MAN1A1: variants seen among roughly 807,000 people sequenced by gnomAD.
MAN1A1 encodes the protein mannosidase alpha class 1A member 1, also known as mannosyl-oligosaccharide 1,2-alpha-mannosidase IA.
Under a neutral mutation model 70.8 loss-of-function variants are expected in MAN1A1, and 29 were observed. The observed-to-expected ratio is 0.41, with a 90% CI of 0.31 to 0.56. MAN1A1 has a LOEUF of 0.56. Ranked by LOEUF, MAN1A1 falls within the 20% of genes least tolerant of loss-of-function variation. The pLI, the probability that MAN1A1 is intolerant of heterozygous loss-of-function variation, is 0.29. For missense variants in MAN1A1, 747 were observed against 841.3 expected (o/e 0.89, Z 1.39); for synonymous variants, 349 against 330.1 (o/e 1.06, Z -0.62).
In MAN1A1 at chr6:119,348,746, T is replaced by C; in HGVS notation, c.320A>G (p.Glu107Gly). 1.3e-6 allele frequency: 2 copies of C among 1,562,908 alleles called. No individual in the cohort carries two copies. Among genetic ancestry groups the C allele is most frequent in the Non-Finnish European group, 1.7e-6 (2 of 1,157,500 alleles). ...GGCCTCCGGGTCCCCGGGTGCCCCC[T>C]CCTCGCGGCGCCGGGCTCGCCCCTC... ...AAEGRARRRE[E>G]GAPGDPEAAL... The change falls in exon 2 of 13, where the codon GAG becomes GGG. Residue 107 changes from glutamate (E) to glycine (G), a missense_variant. By Grantham distance (98) the Glu-to-Gly change is moderately conservative. Transcript: ENST00000368468.
chr6:119,345,200 C>T lies in MAN1A1; in HGVS notation c.603+3263G>A, dbSNP rs6932339. On this transcript the variant is annotated intron_variant, in intron 2 of 12. Transcript: ENST00000368468. ...AAAATGGGAGAGGTTGAGGGGGGGG[C>T]GGAGCGGGGGAGAAGGGAAGCTAAA... Among the ~76,000 whole-genome samples, 32 of 31,248 alleles carry T rather than the reference C, an allele frequency of 1.0e-3. No homozygotes were observed. In the South Asian group the frequency reaches 0.013, roughly 13 times the overall value. 20.5% of individuals were successfully genotyped at this position (31,248 alleles called of 152,430 possible).
intron 2 of MAN1A1, among the ~76,000 whole-genome samples, chr6:119,310,699 G>C (rs1190137961): frequency 1.3e-5 from 2 of 152,150 alleles, no homozygotes; most frequent in Non-Finnish European, 1.5e-5. Flanking sequence ...CAGGAGAAAG[G>C]GCTGTGAAGC....
intron 6 of MAN1A1, among the ~76,000 whole-genome samples, chr6:119,241,309 C>CA (rs2114306980): frequency 6.6e-6 from 1 of 152,266 alleles, no homozygotes; most frequent in Non-Finnish European, 1.5e-5. Context: ...AGAAACAGAA[C>CA]ACAGGCCCTA....
intron 5 of MAN1A1, among the ~76,000 whole-genome samples, chr6:119,253,816 T>C (rs1484580270): frequency 6.6e-6 from 1 of 152,230 alleles, no homozygotes; most frequent in Non-Finnish European, 1.5e-5. Context: ...GTTTGCAAAG[T>C]GCTCCATCCC....
chr6:119,339,902 C>T (rs184535237), intron 2 of MAN1A1, among the ~76,000 whole-genome samples: 1 of 152,058 alleles, frequency 6.6e-6, no homozygotes, highest in African/African-American at 2.4e-5. Flanking sequence ...ACTAGCCTGG[C>T]CAATGTGGGG....
At chr6:119,190,650 C>T (rs1012205875) in intron 9 of MAN1A1, among the ~76,000 whole-genome samples, 4 of 152,110 alleles carry the variant, frequency 2.6e-5, no homozygotes, top group Admixed American at 6.5e-5. Flanking sequence ...AAAAAGCACA[C>T]TATTATATAA....
intron 2 of MAN1A1, among the ~76,000 whole-genome samples, chr6:119,342,883 T>C (rs1773632820): frequency 1.3e-5 from 2 of 152,204 alleles, no homozygotes; most frequent in Non-Finnish European, 2.9e-5. Flanking sequence ...TTTCACCCTT[T>C]GTATATACAG....
At chr6:119,270,592 C>T (rs1251835775) in intron 5 of MAN1A1, among the ~76,000 whole-genome samples, 1 of 152,174 alleles carries the variant, frequency 6.6e-6, no homozygotes. Flanking sequence ...CTATTTTGGA[C>T]ATCATACAGT....
chr6:119,189,673 T>C lies in MAN1A1; in HGVS notation c.1537A>G (p.Asn513Asp). ...EIARTCHESY[N>D]RTFMKLGPEA... ...AATAACATGTACTCACATGTTCGAT[T>C]ATATGATTCATGACAAGTACGGGCA... Residue 513 changes from asparagine to aspartate, a missense_variant, in exon 10 of 13, where the codon AAT becomes GAT. Physicochemically the swap from Asn to Asp is conservative, Grantham distance 23 (BLOSUM62 1). Around this residue, in one of 2 missense-constraint regions of MAN1A1, gnomAD observed 419 missense variants for 548.2 expected, o/e 0.76. Transcript: ENST00000368468. The C allele has an allele frequency of 6.2e-7, 1 of 1,613,986 alleles. No homozygotes were observed. The highest frequency in any genetic ancestry group is 8.5e-7 in the Non-Finnish European group (1 of 1,179,894).
intron 5 of MAN1A1, among the ~76,000 whole-genome samples, chr6:119,260,976 GTTTTTT>G (rs61169300): frequency 8.6e-6 from 1 of 116,940 alleles, no homozygotes; most frequent in Non-Finnish European, 1.7e-5. Context: ...TTTTTTTATT[GTTTTTT>G]TTTTTTTTTT....
In MAN1A1 at chr6:119,260,936, T is replaced by C. The variant is rs368387184; in HGVS notation, c.898-12582A>G. ...GAAACATAATTTATGTTGTCCATTG[T>C]AGCTACTCATGCACTATCTAAATGT... is the stretch of plus-strand genomic sequence containing the variant. On this transcript the variant is annotated intron_variant, in intron 5 of 12. Coordinates refer to ENST00000368468, the MANE Select transcript of MAN1A1 (RefSeq NM_005907.4). Among the ~76,000 whole-genome samples the C allele has an allele frequency of 2.0e-4, 31 of 151,702 alleles. No homozygotes were observed. The East Asian group carries it at 2.7e-3, about 13-fold the overall frequency.
chr6:119,201,411 C>G (rs2114945979), intron 7 of MAN1A1, 64 bp from the exon 8 acceptor site: 1 of 1,048,718 alleles, frequency 9.5e-7, no homozygotes, highest in East Asian at 2.4e-5. Context: ...CATTCTTCTT[C>G]TTCTTGAACA....
At chr6:119,257,984 T>C (rs1775506701) in intron 5 of MAN1A1, among the ~76,000 whole-genome samples, 1 of 152,122 alleles carries the variant, frequency 6.6e-6, no homozygotes, top group African/African-American at 2.4e-5. Flanking sequence ...TTACACTAAA[T>C]ATGACAAATA....
At chr6:119,184,634 T>C (rs529108785) in intron 11 of MAN1A1, among the ~76,000 whole-genome samples, 2 of 151,292 alleles carry the variant, frequency 1.3e-5, no homozygotes, top group South Asian at 4.2e-4. Context: ...AATGTCTGAG[T>C]GGAAAAGGTT....
chr6:119,333,922 C>T (rs1236877989), intron 2 of MAN1A1, among the ~76,000 whole-genome samples: 3 of 152,228 alleles, frequency 2.0e-5, no homozygotes, highest in East Asian at 1.9e-4. Flanking sequence ...GAAGCAAATA[C>T]ACTGACTTCC....
At chr6:119,182,601 G>A (rs1216457063) in intron 11 of MAN1A1, among the ~76,000 whole-genome samples, 1 of 151,466 alleles carries the variant, frequency 6.6e-6, no homozygotes, top group African/African-American at 2.4e-5. Context: ...CTCTAGGAAA[G>A]TTATTTTCTG....
At position 119,306,877 on chromosome 6, in the gene MAN1A1, C is replaced by G. The variant is rs1040689627; in HGVS notation, c.700+19G>C. ...GGGAGAAGTTATCGTCACTAAGAAA[C>G]CAAAGCACATCTACTCACCAAACAA... On this transcript the variant is annotated intron_variant, in intron 3 of 12. Transcript: ENST00000368468. 1.3e-6 allele frequency: 2 copies of G among 1,517,112 alleles called. No homozygotes were observed. Among genetic ancestry groups the G allele is most frequent in the African/African-American group, 1.4e-5 (1 of 72,670 alleles). The allele number at this position is 1,517,112 out of a possible 1,614,324, so 94.0% of individuals were successfully genotyped here. A position where few individuals can be genotyped will look rare whatever the true frequency, so the allele number is the denominator to read the frequency against.
At chr6:119,253,513 G>C (rs555220765) in intron 5 of MAN1A1, among the ~76,000 whole-genome samples, 6 of 152,252 alleles carry the variant, frequency 3.9e-5, no homozygotes, top group Non-Finnish European at 5.9e-5. Context: ...ACTTATTCAA[G>C]CATCGCGACA....
chr6:119,315,030 G>A (rs1029175506), intron 2 of MAN1A1, among the ~76,000 whole-genome samples: 2 of 152,138 alleles, frequency 1.3e-5, no homozygotes, highest in African/African-American at 2.4e-5. Flanking sequence ...CTACCACCAC[G>A]GGAGCTAATG....
Sources: gnomAD v4.1 joint callset for allele counts (sites outside exome capture counted in the v4.1 genomes callset) on GRCh38, gnomAD v4.1.1 for gene constraint, gnomAD v4.1.1 regional missense constraint, MANE v1.5 for transcripts, NCBI Gene and HGNC (gene_info 2026-07-23, HGNC 2026-07-21) for gene names.